PALLD: variants seen among roughly 807,000 people sequenced by gnomAD.
PALLD encodes the protein palladin, cytoskeletal associated protein, also known as palladin.
A neutral mutation model predicts 123.5 loss-of-function variants in PALLD; 61 were observed. The observed-to-expected ratio is 0.49, with a 90% confidence interval of 0.40 to 0.61. The LOEUF is 0.61. Ranked by LOEUF, PALLD falls within the 20% of genes least tolerant of loss-of-function variation. The probability of loss-of-function intolerance (pLI) is 0.00; values close to 1 mark genes in which losing one functional copy is unlikely to be tolerated. For synonymous variants in PALLD, 465 were observed against 496.4 expected (o/e 0.94, Z 0.84); for missense variants, 1,273 against 1,377.0 (o/e 0.92, Z 1.20).
At chr4:168,667,287 A>G (rs1276458469) in intron 2 of PALLD, among the ~76,000 whole-genome samples, 1 of 152,248 alleles carries the variant, frequency 6.6e-6, no homozygotes, top group Non-Finnish European at 1.5e-5. Flanking sequence ...GTGCTCATTA[A>G]GAGCTAAATG....
intron 6 of PALLD, among the ~76,000 whole-genome samples, chr4:168,687,579 G>T (rs1240765288): frequency 6.6e-6 from 1 of 152,198 alleles, no homozygotes; most frequent in Non-Finnish European, 1.5e-5. Context: ...GTCCATGCTG[G>T]TGGCACAAGG....
At chr4:168,595,646 G>A (rs866421369) in intron 2 of PALLD, among the ~76,000 whole-genome samples, 28 of 152,238 alleles carry the variant, frequency 1.8e-4, no homozygotes, top group Middle Eastern at 3.4e-3. Flanking sequence ...AAGCAAGACA[G>A]TGTCTACAAA....
chr4:168,878,433 C>T (rs1238533136), intron 10 of PALLD: 39 of 1,413,970 alleles, frequency 2.8e-5, no homozygotes, highest in Non-Finnish European at 3.6e-5. Context: ...CCTGCCCCTC[C>T]GCCTCGGGTC....
rs10637670 is a variant in PALLD at position 168,669,800 on chromosome 4, G to GCACACACACACACACACA, written c.1087+1439_1087+1456dup. On this transcript the variant is annotated intron_variant, in intron 3 of 21. Transcript: ENST00000505667. ...AATACTTACATGACACTTACAAAAT[G>GCACACACACACACACACA]CACACACACACACACACACACACAA... Among the ~76,000 whole-genome samples, 371 of 148,010 alleles carry GCACACACACACACACACA rather than the reference G, an allele frequency of 2.5e-3. 2 individuals are homozygous for GCACACACACACACACACA. Among genetic ancestry groups the GCACACACACACACACACA allele is most frequent in the African/African-American group, 8.5e-3 (343 of 40,342 alleles).
chr4:168,814,103 C>T (rs1383050249), intron 10 of PALLD, among the ~76,000 whole-genome samples: 1 of 152,162 alleles, frequency 6.6e-6, no homozygotes, highest in Non-Finnish European at 1.5e-5. Flanking sequence ...ATTTTGCCAG[C>T]ATTTTTGAGA....
chr4:168,922,057 G>T (rs1373777418), intron 18 of PALLD, among the ~76,000 whole-genome samples: 1 of 148,676 alleles, frequency 6.7e-6, no homozygotes, highest in Admixed American at 6.7e-5. Context: ...AAGAACCAAA[G>T]AATTTGCTTA....
intron 2 of PALLD, among the ~76,000 whole-genome samples, chr4:168,631,129 G>A (rs1010773459): frequency 2.0e-5 from 3 of 152,192 alleles, no homozygotes; most frequent in Admixed American, 6.5e-5. Context: ...ACTTGTAATG[G>A]GGTAATTAAT....
rs1295634885 is a variant in PALLD at position 168,824,765 on chromosome 4, T to C, written c.1965-66157T>C. Among the ~76,000 whole-genome samples, 3 of 151,934 alleles carry C rather than the reference T, an allele frequency of 2.0e-5. No homozygotes were observed. In the East Asian group the frequency reaches 5.8e-4, roughly 29 times the overall value. On this transcript the variant is annotated intron_variant, in intron 10 of 21. Coordinates refer to ENST00000505667, the MANE Select transcript of PALLD (RefSeq NM_001166108.2). ...GGCCTGTAACAGGCAATATCAATAT[T>C]ATTGTCAATTGTTTTAACTGTCAAT...
At chr4:168,696,761 G>A (rs1206902228) in intron 8 of PALLD, among the ~76,000 whole-genome samples, 1 of 151,964 alleles carries the variant, frequency 6.6e-6, no homozygotes, top group Non-Finnish European at 1.5e-5. Context: ...GAAATAAAAC[G>A]AGCAGATGTC....
At chr4:168,689,397 T>C (rs905907203) in intron 6 of PALLD, among the ~76,000 whole-genome samples, 9 of 151,656 alleles carry the variant, frequency 5.9e-5, no homozygotes, top group African/African-American at 2.2e-4. Context: ...TTGAGTTATT[T>C]TGAGAGTCCT....
At chr4:168,919,709 T>C (rs573175822) in intron 17 of PALLD, among the ~76,000 whole-genome samples, 1 of 152,252 alleles carries the variant, frequency 6.6e-6, no homozygotes, top group South Asian at 2.1e-4. Flanking sequence ...TCCTAGACAC[T>C]GATTATCCTT....
intron 2 of PALLD, among the ~76,000 whole-genome samples, chr4:168,597,129 A>T (rs1357923865): frequency 6.6e-6 from 1 of 152,116 alleles, no homozygotes; most frequent in South Asian, 2.1e-4. Context: ...TTTAAAGACA[A>T]CTCTGGCAAA....
chr4:168,559,542 G>T (rs1767651174), intron 2 of PALLD, among the ~76,000 whole-genome samples: 1 of 152,060 alleles, frequency 6.6e-6, no homozygotes, highest in Non-Finnish European at 1.5e-5. Flanking sequence ...TCAAGTAAAA[G>T]AACATTATTA....
intron 10 of PALLD, among the ~76,000 whole-genome samples, chr4:168,818,464 G>A (rs577460854): frequency 6.6e-6 from 1 of 152,254 alleles, no homozygotes; most frequent in South Asian, 2.1e-4. Flanking sequence ...GCCAGACGTG[G>A]CGGTGCACAC....
At chr4:168,816,727 A>G (rs1742009190) in intron 10 of PALLD, among the ~76,000 whole-genome samples, 1 of 152,002 alleles carries the variant, frequency 6.6e-6, no homozygotes, top group South Asian at 2.1e-4. Context: ...TGGTTTCCAA[A>G]AGGTACTCCT....
intron 2 of PALLD, among the ~76,000 whole-genome samples, chr4:168,553,275 A>C (rs2149546332): frequency 6.6e-6 from 1 of 152,260 alleles, no homozygotes; most frequent in South Asian, 2.1e-4. Context: ...GAGGAGGGCA[A>C]GTCTGGGGAA....
At chr4:168,598,549 A>T (rs2149713575) in intron 2 of PALLD, 3 of 349,088 alleles carry the variant, frequency 8.6e-6, no homozygotes, top group South Asian at 7.8e-5. Flanking sequence ...GGGCAGACAG[A>T]GGTTAGACTT....
At chr4:168,849,248 G>A (rs952509062) in intron 10 of PALLD, among the ~76,000 whole-genome samples, 1 of 152,236 alleles carries the variant, frequency 6.6e-6, no homozygotes, top group East Asian at 1.9e-4. Flanking sequence ...CGTTCCAGAC[G>A]TCTGCACGCC....
intron 1 of PALLD, among the ~76,000 whole-genome samples, chr4:168,504,593 C>CAAAAA (rs60824764): frequency 7.3e-6 from 1 of 136,506 alleles, no homozygotes; most frequent in African/African-American, 2.8e-5. Context: ...GACTCCAACT[C>CAAAAA]AAAAAAAAAA....
Sources: gnomAD v4.1 joint callset for allele counts (sites outside exome capture counted in the v4.1 genomes callset) on GRCh38, gnomAD v4.1.1 for gene constraint, MANE v1.5 for transcripts, NCBI Gene and HGNC (gene_info 2026-07-23, HGNC 2026-07-21) for gene names.